ASTN1: variants seen among roughly 807,000 people sequenced by gnomAD.
ASTN1 encodes the protein astrotactin 1, also known as astrotactin-1.
In ASTN1, 41 loss-of-function variants were observed where a neutral mutation model predicts 140.7. The ratio of observed to expected loss-of-function variants is 0.29; its 90% CI spans 0.23 to 0.38. The LOEUF (loss-of-function observed/expected upper bound fraction) is 0.38, where lower values mean the gene tolerates loss of function less well. Ranked by LOEUF, ASTN1 falls within the 10% of genes least tolerant of loss-of-function variation. ASTN1 has a pLI of 1.00. For missense variants in ASTN1, 1,479 were observed against 1,678.8 expected (o/e 0.88, Z 2.08); for synonymous variants, 640 against 652.2 (o/e 0.98, Z 0.29).
At chr1:177,074,056 G>A (rs1445427627) in intron 1 of ASTN1, among the ~76,000 whole-genome samples, 1 of 151,860 alleles carries the variant, frequency 6.6e-6, no homozygotes, top group Non-Finnish European at 1.5e-5. Context: ...TTTTAGCCAT[G>A]ACTTCATGTA....
At chr1:177,103,913 T>C (rs1171406593) in intron 1 of ASTN1, among the ~76,000 whole-genome samples, 3 of 152,160 alleles carry the variant, frequency 2.0e-5, no homozygotes. Context: ...TTCACAGTTA[T>C]TTACAGTGTA....
chr1:177,131,968 G>C (rs185017326), intron 1 of ASTN1, among the ~76,000 whole-genome samples: 1 of 152,240 alleles, frequency 6.6e-6, no homozygotes, highest in Admixed American at 6.5e-5. Context: ...TAAGGGATCT[G>C]TCCCCAAGAC....
chr1:176,864,171 G>T lies in ASTN1; in HGVS notation c.*113C>A. Reference sequence around the variant, plus strand: ...TCACTTTCTCCCTGGTTTCGATGTTGCTGTGGAGGTTTTCATGTTCCATTA... The same window carrying T: ...TCACTTTCTCCCTGGTTTCGATGTTTCTGTGGAGGTTTTCATGTTCCATTA... On this transcript the variant is annotated 3_prime_UTR_variant, in exon 23 of 23. Transcript: ENST00000361833. 1 of 1,505,494 alleles carries T rather than the reference G, an allele frequency of 6.6e-7. No homozygotes were observed. The highest frequency in any genetic ancestry group is 8.8e-7 in the Non-Finnish European group (1 of 1,134,792). The allele number at this position is 1,505,494 out of a possible 1,614,324, so 93.3% of individuals were successfully genotyped here.
At chr1:177,054,248 G>A (rs1677687011) in intron 2 of ASTN1, among the ~76,000 whole-genome samples, 1 of 152,010 alleles carries the variant, frequency 6.6e-6, no homozygotes, top group Non-Finnish European at 1.5e-5. Flanking sequence ...CCTACTTTAT[G>A]GTGTGGTAAG....
chr1:177,102,178 A>G (rs970326990), intron 1 of ASTN1, among the ~76,000 whole-genome samples: 5 of 152,204 alleles, frequency 3.3e-5, no homozygotes, highest in African/African-American at 1.2e-4. Context: ...TTGAGAGTAC[A>G]CAGAGGTCTA....
chr1:177,155,498 G>A (rs990174500), intron 1 of ASTN1, among the ~76,000 whole-genome samples: 5 of 152,206 alleles, frequency 3.3e-5, no homozygotes, highest in African/African-American at 9.6e-5. Flanking sequence ...CAACTTTAGA[G>A]TAATCTGCAA....
At chr1:177,062,805 T>C (rs1678163971) in intron 1 of ASTN1, among the ~76,000 whole-genome samples, 1 of 152,206 alleles carries the variant, frequency 6.6e-6, no homozygotes, top group Admixed American at 6.5e-5. Context: ...CAGGCATGAA[T>C]TGGCCATGTA....
At chr1:177,066,096 C>T (rs1314690286) in intron 1 of ASTN1, among the ~76,000 whole-genome samples, 1 of 152,134 alleles carries the variant, frequency 6.6e-6, no homozygotes, top group African/African-American at 2.4e-5. Context: ...CTCATATAAC[C>T]ACCTATAAAG....
intron 16 of ASTN1, among the ~76,000 whole-genome samples, chr1:176,913,127 A>G (rs1244377770): frequency 6.6e-6 from 1 of 152,166 alleles, no homozygotes; most frequent in African/African-American, 2.4e-5. Context: ...TTAAGCAACA[A>G]TTCTCTCTTA....
chr1:176,973,042 C>A (rs889519140), intron 8 of ASTN1, among the ~76,000 whole-genome samples: 1 of 152,120 alleles, frequency 6.6e-6, no homozygotes, highest in East Asian at 1.9e-4. Flanking sequence ...TTTTTGGTAA[C>A]TTAAATATTC....
chr1:176,905,361 T>A (rs114827326), intron 16 of ASTN1, among the ~76,000 whole-genome samples: 1 of 152,334 alleles, frequency 6.6e-6, no homozygotes, highest in African/African-American at 2.4e-5. Flanking sequence ...GGCTGGCTCA[T>A]AAATATCTTT....
intron 21 of ASTN1, among the ~76,000 whole-genome samples, chr1:176,869,651 G>C (rs1018427421): frequency 2.6e-5 from 4 of 152,118 alleles, no homozygotes; most frequent in African/African-American, 7.2e-5. Context: ...ATCGCCACTG[G>C]GTCATTCAGG....
chr1:177,036,626 A>C (rs1221835759), intron 2 of ASTN1, among the ~76,000 whole-genome samples: 2 of 152,162 alleles, frequency 1.3e-5, no homozygotes, highest in Non-Finnish European at 2.9e-5. Context: ...ACTACACATA[A>C]ATTTCTCTGA....
intron 1 of ASTN1, among the ~76,000 whole-genome samples, chr1:177,104,535 A>G (rs1225051232): frequency 1.3e-5 from 2 of 152,196 alleles, no homozygotes; most frequent in Non-Finnish European, 2.9e-5. Flanking sequence ...AGTAGTGTAT[A>G]ATATCCATTA....
intron 1 of ASTN1, among the ~76,000 whole-genome samples, chr1:177,142,762 A>G (rs1328391383): frequency 1.3e-5 from 2 of 152,076 alleles, no homozygotes; most frequent in African/African-American, 4.8e-5. Flanking sequence ...GTCATTATTT[A>G]ATCCAGCAAG....
At chr1:177,131,023 C>T (rs1681913774) in intron 1 of ASTN1, among the ~76,000 whole-genome samples, 1 of 152,176 alleles carries the variant, frequency 6.6e-6, no homozygotes. Flanking sequence ...TATTAAAAAG[C>T]ACCTTCCCCT....
chr1:177,154,608 C>A (rs571709696), intron 1 of ASTN1, among the ~76,000 whole-genome samples: 2 of 152,016 alleles, frequency 1.3e-5, no homozygotes, highest in African/African-American at 2.4e-5. Flanking sequence ...TATGACACCA[C>A]CATTTCCTTG....
intron 8 of ASTN1, among the ~76,000 whole-genome samples, chr1:176,974,887 T>C (rs1251027077): frequency 3.3e-5 from 5 of 152,190 alleles, no homozygotes; most frequent in Non-Finnish European, 7.3e-5. Context: ...ACTCGGCCTT[T>C]TAGCCAACAA....
intron 11 of ASTN1, among the ~76,000 whole-genome samples, chr1:176,952,228 T>A (rs190155416): frequency 1.2e-3 from 175 of 148,946 alleles, no homozygotes; most frequent in African/African-American, 4.2e-3. Context: ...TTCAGCCTAG[T>A]ATTTTCTTTC....
Sources: gnomAD v4.1 joint callset for allele counts (sites outside exome capture counted in the v4.1 genomes callset) on GRCh38, gnomAD v4.1.1 for gene constraint, MANE v1.5 for transcripts, NCBI Gene and HGNC (gene_info 2026-07-23, HGNC 2026-07-21) for gene names.